SLC45A4: variants seen among roughly 807,000 people sequenced by gnomAD.
SLC45A4 encodes polyamine-transporter SLC45A4.
A neutral mutation model predicts 63.7 loss-of-function variants in SLC45A4; 32 were observed. The ratio of observed to expected loss-of-function variants is 0.50; its 90% CI spans 0.38 to 0.67. The LOEUF (loss-of-function observed/expected upper bound fraction) is 0.67. SLC45A4 is among the 30% of genes least tolerant of loss of function. SLC45A4 has a pLI of 0.00. For missense variants in SLC45A4, 1,027 were observed against 1,157.7 expected, an observed-to-expected ratio of 0.89 and a Z score of 1.64; for synonymous variants, 535 against 510.0, an observed-to-expected ratio of 1.05 and a Z score of -0.66.
intron 2 of SLC45A4, among the ~76,000 whole-genome samples, chr8:141,223,098 G>T (rs772259192): frequency 6.6e-6 from 1 of 152,238 alleles, no homozygotes; most frequent in African/African-American, 2.4e-5. Flanking sequence ...GTGGGAGGAG[G>T]AAATCATTTT....
chr8:141,265,088 C>T (rs964363915), intron 1 of SLC45A4, among the ~76,000 whole-genome samples: 21 of 152,182 alleles, frequency 1.4e-4, no homozygotes, highest in Admixed American at 2.0e-4. Context: ...AAACCATCAC[C>T]AAAATATGCA....
chr8:141,253,466 T>C (rs1055364935), intron 2 of SLC45A4, among the ~76,000 whole-genome samples: 1 of 152,256 alleles, frequency 6.6e-6, no homozygotes, highest in Admixed American at 6.5e-5. Context: ...AATGATAAGA[T>C]GACAGCATCT....
chr8:141,276,767 G>A (rs73366476), intron 1 of SLC45A4, among the ~76,000 whole-genome samples: 5,929 of 152,312 alleles, frequency 0.039, 381 homozygotes, highest in African/African-American at 0.13. Flanking sequence ...GACATGGTCT[G>A]CTACAGGCCC....
rs768211013 is a variant in SLC45A4 at position 141,218,368 on chromosome 8, G to T, written c.1272C>A (p.Ser424=). The change falls in exon 5 of 9, where the codon TCC becomes TCA. Residue 424 remains serine (S), a synonymous_variant. Transcript: ENST00000517878. Reference sequence around the variant, plus strand: ...GCTTGCCGTAGTAGGAGAAGGTGCTGGAGGCCTGCCTGCGGAACGCGTGCC... The same window carrying T: ...GCTTGCCGTAGTAGGAGAAGGTGCTTGAGGCCTGCCTGCGGAACGCGTGCC... ...RRRHAFRRQA[S]STFSYYGKLG... The T allele has an allele frequency of 3.1e-6, 5 of 1,608,360 alleles. No homozygotes were observed. Among genetic ancestry groups the T allele is most frequent in the Non-Finnish European group, 4.2e-6 (5 of 1,179,750 alleles).
At chr8:141,268,183 A>G (rs1361690647) in intron 1 of SLC45A4, among the ~76,000 whole-genome samples, 2 of 152,228 alleles carry the variant, frequency 1.3e-5, no homozygotes, top group Non-Finnish European at 2.9e-5. Context: ...ACTTTAAATG[A>G]GTATTTCTAA....
intron 1 of SLC45A4, among the ~76,000 whole-genome samples, chr8:141,261,141 T>C (rs1158041045): frequency 2.0e-5 from 3 of 152,184 alleles, no homozygotes; most frequent in Non-Finnish European, 4.4e-5. Flanking sequence ...ATTATCTCAA[T>C]AGACGCAGAA....
In SLC45A4 at chr8:141,279,026, C is replaced by T. The variant is rs1379420443; in HGVS notation, c.-400-24397G>A. 2.0e-5 allele frequency among the ~76,000 whole-genome samples: 3 copies of T among 152,250 alleles called. No individual in the cohort carries two copies. In the East Asian group the frequency reaches 5.8e-4, roughly 29 times the overall value. ...GTTTCTCTCCACAGGCTTGGCTGGG[C>T]CTGGCTTCCACACCTTCCAGCTCCA... On this transcript the variant is annotated intron_variant, in intron 1 of 8. Coordinates refer to ENST00000517878, the MANE Select transcript of SLC45A4 (RefSeq NM_001286646.2).
intron 2 of SLC45A4, among the ~76,000 whole-genome samples, chr8:141,234,346 C>T (rs1267711335): frequency 1.3e-5 from 2 of 152,236 alleles, no homozygotes; most frequent in Admixed American, 6.5e-5. Flanking sequence ...TCCTCGTGGG[C>T]CTAGCTTGGG....
intron 1 of SLC45A4, among the ~76,000 whole-genome samples, chr8:141,302,715 C>G (rs986507576): frequency 6.6e-6 from 1 of 152,166 alleles, no homozygotes; most frequent in Non-Finnish European, 1.5e-5. Context: ...ATTCCTAATT[C>G]ATTCATCACT....
intron 1 of SLC45A4, among the ~76,000 whole-genome samples, chr8:141,257,314 T>C (rs1828841902): frequency 6.6e-6 from 1 of 152,242 alleles, no homozygotes; most frequent in African/African-American, 2.4e-5. Flanking sequence ...GTCAATCTTG[T>C]ACCAGAATAG....
intron 1 of SLC45A4, among the ~76,000 whole-genome samples, chr8:141,288,349 G>T (rs751381466): frequency 6.6e-6 from 1 of 152,210 alleles, no homozygotes. Context: ...ATGGCACTTA[G>T]GGGTGTTCAA....
intron 1 of SLC45A4, among the ~76,000 whole-genome samples, chr8:141,289,229 G>A (rs985647650): frequency 7.0e-6 from 1 of 143,340 alleles, no homozygotes; most frequent in Non-Finnish European, 1.5e-5. Flanking sequence ...GCACTTTCGA[G>A]AAGGAGTGAG....
Position 141,227,996 on chromosome 8 carries a change from A to C in SLC45A4, c.242-6231T>G, listed in dbSNP as rs1391102382. 1.3e-5 allele frequency among the ~76,000 whole-genome samples: 2 copies of C among 151,890 alleles called. No individual in the cohort carries two copies. Among genetic ancestry groups the C allele is most frequent in the Non-Finnish European group, 2.9e-5 (2 of 67,962 alleles). ...TTCCCGGGCTTTGGCCTTTTGTAGG[A>C]GAGGAGGAATTGAAACTTGAAACCC... On this transcript the variant is annotated intron_variant, in intron 2 of 8. Coordinates refer to ENST00000517878, the MANE Select transcript of SLC45A4 (RefSeq NM_001286646.2). The surrounding 1 kb of genome is among the most constrained non-coding windows in gnomAD (Gnocchi z 4.4).
intron 2 of SLC45A4, among the ~76,000 whole-genome samples, chr8:141,243,370 A>G: frequency 6.6e-6 from 1 of 152,350 alleles, no homozygotes; most frequent in East Asian, 1.9e-4. Flanking sequence ...TCATTCCCAC[A>G]AACTAGAAAG....
Position 141,211,377 on chromosome 8 carries a change from C to T in SLC45A4, c.*195G>A, listed in dbSNP as rs943729907. ...CACGCAGGAGCTCGTCTGGAGCTCA[C>T]GCTCCGCCCCCAGGTGGTGCCCAGC... is the stretch of plus-strand genomic sequence containing the variant. On this transcript the variant is annotated 3_prime_UTR_variant, in exon 9 of 9. Transcript: ENST00000517878. The T allele has an allele frequency of 1.8e-4, 273 of 1,481,958 alleles. No homozygotes were observed. Among genetic ancestry groups the T allele is most frequent in the Non-Finnish European group, 8.2e-5 (91 of 1,109,942 alleles). The allele number at this position is 1,481,958 out of a possible 1,614,324, so 91.8% of individuals were successfully genotyped here.
intron 1 of SLC45A4, among the ~76,000 whole-genome samples, chr8:141,269,328 G>A (rs1272499280): frequency 1.3e-5 from 2 of 152,332 alleles, no homozygotes; most frequent in South Asian, 2.1e-4. Flanking sequence ...TTCAGAAACC[G>A]AAAAGGACGC....
At chr8:141,242,122 G>A (rs532672820) in intron 2 of SLC45A4, among the ~76,000 whole-genome samples, 11 of 152,280 alleles carry the variant, frequency 7.2e-5, no homozygotes, top group African/African-American at 2.6e-4. Context: ...ATCATTATAC[G>A]CACATTTAGC....
intron 1 of SLC45A4, among the ~76,000 whole-genome samples, chr8:141,307,845 G>T (rs1273750736): frequency 6.6e-6 from 1 of 151,004 alleles, no homozygotes; most frequent in Non-Finnish European, 1.5e-5. Flanking sequence ...TGCAGGGCTG[G>T]GGACCAGGGC....
chr8:141,282,518 G>A (rs1829992909), intron 1 of SLC45A4, among the ~76,000 whole-genome samples: 1 of 152,172 alleles, frequency 6.6e-6, no homozygotes, highest in Admixed American at 6.5e-5. Context: ...CTCCATCGCT[G>A]CCCTCTCTCC....
Sources: allele counts gnomAD v4.1 joint callset (sites outside exome capture counted in the v4.1 genomes callset), GRCh38; gene constraint gnomAD v4.1.1; non-coding constraint Gnocchi (gnomAD v3.1); transcripts MANE v1.5; gene names NCBI Gene and HGNC (gene_info 2026-07-23, HGNC 2026-07-21).